The following MGAT4C variants were observed in gnomAD, a reference collection of about 807,000 sequenced individuals.
The protein encoded by MGAT4C is MGAT4 family member C.
Under a neutral mutation model 40.1 loss-of-function variants are expected in MGAT4C, and 19 were observed. The observed-to-expected ratio is 0.47, with a 90% confidence interval of 0.33 to 0.70. The LOEUF (loss-of-function observed/expected upper bound fraction) is 0.70. Among genes scored for constraint, MGAT4C ranks in the 30% least tolerant of loss-of-function variants. The probability of loss-of-function intolerance (pLI) is 0.02; values close to 1 mark genes in which losing one functional copy is unlikely to be tolerated. For synonymous variants in MGAT4C, 181 were observed against 187.1 expected (o/e 0.97, Z 0.27); for missense variants, 491 against 563.2 (o/e 0.87, Z 1.30).
intron 2 of MGAT4C, among the ~76,000 whole-genome samples, chr12:86,682,296 T>C (rs1949997615): frequency 6.6e-6 from 1 of 152,090 alleles, no homozygotes. Flanking sequence ...AATATTTTAT[T>C]GAATCTTAAC....
intron 3 of MGAT4C, among the ~76,000 whole-genome samples, chr12:86,418,070 G>A (rs376649508): frequency 3.3e-5 from 5 of 152,026 alleles, no homozygotes; most frequent in Admixed American, 1.3e-4. Flanking sequence ...TTGTAAATAC[G>A]TATTCAAAGA....
At chr12:86,514,280 TCAA>T (rs1456733291) in intron 2 of MGAT4C, among the ~76,000 whole-genome samples, 2 of 152,056 alleles carry the variant, frequency 1.3e-5, no homozygotes, top group East Asian at 1.9e-4. Flanking sequence ...AAGGAAACAA[TCAA>T]CAACAACAAC....
At chr12:86,635,929 G>A (rs1963206625) in intron 2 of MGAT4C, among the ~76,000 whole-genome samples, 1 of 151,562 alleles carries the variant, frequency 6.6e-6, no homozygotes, top group Non-Finnish European at 1.5e-5. Context: ...AGATCTTCCT[G>A]CATTGGCCTC....
Position 86,030,753 on chromosome 12 carries a change from A to G in MGAT4C, c.-7+18921T>C, listed in dbSNP as rs115792798. 6.2e-3 allele frequency among the ~76,000 whole-genome samples: 935 copies of G among 151,940 alleles called. 9 individuals are homozygous for G. The highest frequency in any genetic ancestry group is 0.021 in the African/African-American group (887 of 41,532). On this transcript the variant is annotated intron_variant, in intron 2 of 4. Coordinates refer to ENST00000611864, the MANE Select transcript of MGAT4C (RefSeq NM_001351288.2). ...GCAAAATGGGCTAAAACTGATAATC[A>G]CAGAATATTCAAGCCAGAAAAAAAT...
At chr12:86,075,465 C>T (rs1869506125) in intron 1 of MGAT4C, among the ~76,000 whole-genome samples, 1 of 152,144 alleles carries the variant, frequency 6.6e-6, no homozygotes, top group Non-Finnish European at 1.5e-5. Flanking sequence ...GGATCAAGTT[C>T]TCAGTGGATC....
At chr12:86,763,984 T>G (rs1030669250) in intron 1 of MGAT4C, among the ~76,000 whole-genome samples, 1 of 152,118 alleles carries the variant, frequency 6.6e-6, no homozygotes, top group Non-Finnish European at 1.5e-5. Flanking sequence ...ACCGGGTTCA[T>G]ATCACTAGGG....
intron 2 of MGAT4C, among the ~76,000 whole-genome samples, chr12:86,503,997 G>GTGTGAAAAGGCACTTAAAA (rs1435788122): frequency 1.3e-5 from 2 of 151,348 alleles, no homozygotes; most frequent in African/African-American, 4.8e-5. Flanking sequence ...TATAAAAGAA[G>GTGTGAAAAGGCACTTAAAA]TGTGAAAAGG....
chr12:86,772,847 A>G (rs1466280709), intron 1 of MGAT4C, among the ~76,000 whole-genome samples: 1 of 152,168 alleles, frequency 6.6e-6, no homozygotes, highest in African/African-American at 2.4e-5. Flanking sequence ...TGGTTTCACA[A>G]GTTCACAGCT....
At chr12:86,338,958 C>CAAAAAAAAA (rs67462771) in intron 3 of MGAT4C, among the ~76,000 whole-genome samples, 3 of 66,122 alleles carry the variant, frequency 4.5e-5, no homozygotes, top group Admixed American at 2.4e-4. Flanking sequence ...GACTCCATCT[C>CAAAAAAAAA]AAAAAAAAAA....
intron 2 of MGAT4C, among the ~76,000 whole-genome samples, chr12:86,479,814 T>C (rs1158441704): frequency 6.6e-6 from 1 of 151,724 alleles, no homozygotes; most frequent in East Asian, 1.9e-4. Flanking sequence ...AAAATAAAAT[T>C]GGGAGTAAGG....
chr12:86,820,226 T>G (rs1375809193), intron 1 of MGAT4C, among the ~76,000 whole-genome samples: 1 of 150,852 alleles, frequency 6.6e-6, no homozygotes, highest in African/African-American at 2.4e-5. Context: ...TCTACTTTTA[T>G]AACATAGAAC....
rs183336088 is a variant in MGAT4C at position 86,816,238 on chromosome 12, A to G, written c.-262+22428T>C. 3.5e-3 allele frequency among the ~76,000 whole-genome samples: 534 copies of G among 151,964 alleles called. 3 individuals are homozygous for G. Among genetic ancestry groups the G allele is most frequent in the Middle Eastern group, 0.017 (5 of 294 alleles). The stretch of plus-strand genomic sequence containing the variant: ...CATATCTCCTATATTTGTAGGTTAC[A>G]AGGAATATATTTTTATGTTTTTATT... On this transcript the variant is annotated intron_variant, in intron 1 of 7. Coordinates refer to the MGAT4C transcript ENST00000548651.
chr12:86,515,256 C>T (rs1448639986), intron 2 of MGAT4C, among the ~76,000 whole-genome samples: 1 of 152,102 alleles, frequency 6.6e-6, no homozygotes, highest in African/African-American at 2.4e-5. Context: ...ATTTCTCACT[C>T]AATTTATTGA....
At chr12:86,725,311 A>G (rs1033208604) in intron 2 of MGAT4C, among the ~76,000 whole-genome samples, 1 of 152,190 alleles carries the variant, frequency 6.6e-6, no homozygotes, top group Admixed American at 6.5e-5. Flanking sequence ...CAGTTCTCTG[A>G]ATCTCAGTGA....
chr12:86,001,286 T>G (rs1887267760), intron 2 of MGAT4C, among the ~76,000 whole-genome samples: 1 of 152,210 alleles, frequency 6.6e-6, no homozygotes, highest in African/African-American at 2.4e-5. Flanking sequence ...AACTTGTCTT[T>G]GTTGTATTCA....
chr12:86,100,093 T>C (rs1565981033), intron 1 of MGAT4C, among the ~76,000 whole-genome samples: 1 of 150,198 alleles, frequency 6.7e-6, no homozygotes, highest in Non-Finnish European at 1.5e-5. Flanking sequence ...ATCTTTATGT[T>C]TAATCTGTAT....
intron 1 of MGAT4C, among the ~76,000 whole-genome samples, chr12:86,116,034 A>C (rs1159513573): frequency 6.6e-6 from 1 of 152,100 alleles, no homozygotes; most frequent in Non-Finnish European, 1.5e-5. Context: ...AATTTGCAAT[A>C]ATATTCCAGA....
chr12:86,416,499 A>G (rs1215431223), intron 3 of MGAT4C, among the ~76,000 whole-genome samples: 1 of 152,080 alleles, frequency 6.6e-6, no homozygotes, highest in Non-Finnish European at 1.5e-5. Flanking sequence ...GATTGACACT[A>G]CACCTGGATA....
At chr12:86,376,873 A>G (rs1297354527) in intron 3 of MGAT4C, among the ~76,000 whole-genome samples, 1 of 83,938 alleles carries the variant, frequency 1.2e-5, no homozygotes, top group Admixed American at 1.3e-4. Context: ...AGAGAGGAGA[A>G]AAAGAGAAAG....
Sources: allele counts gnomAD v4.1 joint callset (sites outside exome capture counted in the v4.1 genomes callset), GRCh38; gene constraint gnomAD v4.1.1; transcripts MANE v1.5; gene names NCBI Gene and HGNC (gene_info 2026-07-23, HGNC 2026-07-21).